Variants in STK32B observed in about 807,000 individuals in gnomAD.
STK32B encodes the protein serine/threonine-protein kinase 32B.
Under a neutral mutation model 52.6 loss-of-function variants are expected in STK32B, and 43 were observed. That is an observed-to-expected ratio of 0.82 (90% CI 0.64 to 1.05). The LOEUF (loss-of-function observed/expected upper bound fraction) is 1.05, where lower values mean the gene tolerates loss of function less well. Ranked by LOEUF, STK32B falls within the 50% of genes least tolerant of loss-of-function variation. The pLI is 0.00. For missense variants in STK32B, 621 were observed against 534.6 expected, an observed-to-expected ratio of 1.16 and a Z score of -1.59; for synonymous variants, 238 against 204.3, an observed-to-expected ratio of 1.17 and a Z score of -1.41.
At chr4:5,127,849 G>A (rs558660823) in intron 1 of STK32B, among the ~76,000 whole-genome samples, 3 of 152,052 alleles carry the variant, frequency 2.0e-5, no homozygotes, top group Non-Finnish European at 2.9e-5. Context: ...TCATGGGGGT[G>A]GGTTTTTCCC....
chr4:5,318,655 A>G (rs916334861), intron 3 of STK32B, among the ~76,000 whole-genome samples: 3 of 152,132 alleles, frequency 2.0e-5, no homozygotes, highest in African/African-American at 7.2e-5. Flanking sequence ...AGGGAACAGC[A>G]TAAGAAAAGG....
intron 5 of STK32B, among the ~76,000 whole-genome samples, chr4:5,406,860 T>A (rs1177734167): frequency 6.6e-6 from 1 of 152,154 alleles, no homozygotes; most frequent in Non-Finnish European, 1.5e-5. Context: ...TGAGGCATTT[T>A]CCCCATTGTC....
At position 5,489,951 on chromosome 4, in the gene STK32B, A is replaced by G. The variant is rs932326506; in HGVS notation, c.1107-8994A>G. On this transcript the variant is annotated intron_variant, in intron 11 of 11. Transcript: ENST00000282908. ...CATAAATACATCTAGACAGACATAT[A>G]TACATACAAATGAAGATCTTGTAGT... Among the ~76,000 whole-genome samples the G allele has an allele frequency of 1.5e-4, 23 of 152,344 alleles. No individual in the cohort carries two copies. The East Asian group carries it at 3.3e-3, about 22-fold the overall frequency.
intron 1 of STK32B, among the ~76,000 whole-genome samples, chr4:5,063,778 G>A (rs1742306811): frequency 6.6e-6 from 1 of 152,134 alleles, no homozygotes; most frequent in Non-Finnish European, 1.5e-5. Context: ...GTCACATGTG[G>A]CTATTAGCTA....
At chr4:5,179,594 G>A (rs1434761060) in intron 3 of STK32B, among the ~76,000 whole-genome samples, 1 of 152,144 alleles carries the variant, frequency 6.6e-6, no homozygotes, top group Non-Finnish European at 1.5e-5. Context: ...ATAGATGATA[G>A]ATAAATAGAT....
rs1424239500 is a variant in STK32B at position 5,467,714 on chromosome 4, T to C, written c.1042-292T>C. The stretch of plus-strand genomic sequence containing the variant: ...TTTTCCATGCCCCTCACGTGGGCCT[T>C]AAGTGGTCAGGAAAATAAGCTCATG... On this transcript the variant is annotated intron_variant, in intron 10 of 11. Transcript: ENST00000282908. This position sits in a 1 kb window ranked among gnomAD's most constrained non-coding sequence, Gnocchi z 5.8. 6.6e-6 allele frequency among the ~76,000 whole-genome samples: 1 copy of C among 152,146 alleles called. No individual in the cohort carries two copies. Among genetic ancestry groups the C allele is most frequent in the South Asian group, 2.1e-4 (1 of 4,832 alleles).
chr4:5,428,148 C>A (rs1179841691), intron 6 of STK32B, among the ~76,000 whole-genome samples: 1 of 151,982 alleles, frequency 6.6e-6, no homozygotes, highest in Non-Finnish European at 1.5e-5. Flanking sequence ...TGGCTTATAC[C>A]TGTAATCCCA....
At chr4:5,168,948 G>C (rs975466873) in intron 3 of STK32B, among the ~76,000 whole-genome samples, 2 of 152,150 alleles carry the variant, frequency 1.3e-5, no homozygotes, top group African/African-American at 4.8e-5. Flanking sequence ...CCCGTCCTTG[G>C]CTATTATCTT....
intron 4 of STK32B, among the ~76,000 whole-genome samples, chr4:5,358,818 C>T (rs1734349216): frequency 6.6e-6 from 1 of 152,106 alleles, no homozygotes; most frequent in Non-Finnish European, 1.5e-5. Context: ...AAATGTAGGG[C>T]TAGAAAAGGT....
chr4:5,236,420 C>T (rs1157412485), intron 3 of STK32B, among the ~76,000 whole-genome samples: 1 of 152,082 alleles, frequency 6.6e-6, no homozygotes, highest in African/African-American at 2.4e-5. Context: ...AATTTTCAAA[C>T]ATTGAACACA....
rs983446811 is a variant in STK32B at position 5,051,605 on chromosome 4, A to T, written c.-259A>T. On this transcript the variant is annotated 5_prime_UTR_variant, in exon 1 of 12. Transcript: ENST00000282908. The stretch of plus-strand genomic sequence containing the variant: ...TTCCCGGGCGGGCACTGGAGTAAGG[A>T]GCTGCGAGCGCAGCCCGAGGCGGGG... 3.7e-5 allele frequency: 18 copies of T among 488,182 alleles called. No homozygotes were observed. The highest frequency in any genetic ancestry group is 5.7e-5 in the Non-Finnish European group (16 of 280,308). 30.2% of individuals were successfully genotyped at this position (488,182 alleles called of 1,614,324 possible).
At position 5,322,252 on chromosome 4, in the gene STK32B, C is replaced by G. The variant is rs542910276; in HGVS notation, c.261-8968C>G. On this transcript the variant is annotated intron_variant, in intron 3 of 11. Transcript: ENST00000282908. ...GTCAGGCTTGATAAGCTCTTTTTTC[C>G]TCGTACAATATGAGCTGTCAGAAGG... 2.0e-4 allele frequency among the ~76,000 whole-genome samples: 30 copies of G among 152,054 alleles called. No individual in the cohort carries two copies. The South Asian group carries it at 5.6e-3, about 28-fold the overall frequency.
chr4:5,278,304 G>A (rs1469275699), intron 3 of STK32B, among the ~76,000 whole-genome samples: 2 of 152,208 alleles, frequency 1.3e-5, no homozygotes, highest in East Asian at 1.9e-4. Flanking sequence ...AGAGCATTAA[G>A]GGTCTGAGCC....
chr4:5,124,817 C>G (rs566322256), intron 1 of STK32B, among the ~76,000 whole-genome samples: 4 of 152,330 alleles, frequency 2.6e-5, no homozygotes, highest in Admixed American at 2.0e-4. Flanking sequence ...AAGAATTCGT[C>G]ACCTACTGGG....
At chr4:5,418,814 C>T (rs752351829) in intron 6 of STK32B, among the ~76,000 whole-genome samples, 8 of 152,130 alleles carry the variant, frequency 5.3e-5, no homozygotes, top group Non-Finnish European at 8.8e-5. Context: ...CTTCCCTGAC[C>T]GCATAAACAG....
At chr4:5,314,273 C>T (rs1447607745) in intron 3 of STK32B, among the ~76,000 whole-genome samples, 1 of 152,174 alleles carries the variant, frequency 6.6e-6, no homozygotes, top group East Asian at 1.9e-4. Flanking sequence ...TGCAAAGTTT[C>T]AAAAGCAATA....
intron 4 of STK32B, among the ~76,000 whole-genome samples, chr4:5,355,519 A>T (rs1475842364): frequency 6.6e-6 from 1 of 152,138 alleles, no homozygotes; most frequent in South Asian, 2.1e-4. Context: ...AGAACTTATG[A>T]TGAGATTCTG....
chr4:5,457,372 C>T (rs113409781), intron 8 of STK32B, among the ~76,000 whole-genome samples: 80 of 151,406 alleles, frequency 5.3e-4, no homozygotes, highest in African/African-American at 1.9e-3. Flanking sequence ...CCCGCCAACA[C>T]GCCCGGCTAA....
intron 2 of STK32B, among the ~76,000 whole-genome samples, chr4:5,141,591 T>C (rs1716456842): frequency 6.6e-6 from 1 of 152,210 alleles, no homozygotes; most frequent in African/African-American, 2.4e-5. Context: ...TTGGCTACCA[T>C]GTGGAGAATA....
Sources: allele counts gnomAD v4.1 joint callset (sites outside exome capture counted in the v4.1 genomes callset), GRCh38; gene constraint gnomAD v4.1.1; non-coding constraint Gnocchi (gnomAD v3.1); transcripts MANE v1.5; gene names NCBI Gene and HGNC (gene_info 2026-07-23, HGNC 2026-07-21).